The following CEP83 variants were observed in gnomAD, a reference collection of about 807,000 sequenced individuals.
The protein encoded by CEP83 is centrosomal protein 83.
Under a neutral mutation model 101.9 loss-of-function variants are expected in CEP83, and 70 were observed. The ratio of observed to expected loss-of-function variants is 0.69; its 90% confidence interval spans 0.57 to 0.84. CEP83 has a LOEUF of 0.84. Among genes scored for constraint, CEP83 ranks in the 40% least tolerant of loss-of-function variants. CEP83 has a pLI of 0.00. For synonymous variants in CEP83, 264 were observed against 267.9 expected, an observed-to-expected ratio of 0.99 and a Z score of 0.14; for missense variants, 715 against 787.2, an observed-to-expected ratio of 0.91 and a Z score of 1.10.
At chr12:94,429,733 T>A (rs1215333343) in intron 2 of CEP83, among the ~76,000 whole-genome samples, 1 of 152,088 alleles carries the variant, frequency 6.6e-6, no homozygotes, top group African/African-American at 2.4e-5. Context: ...AAGCAAAGCA[T>A]GAGCTTCCAC....
At chr12:94,459,445 C>A (rs1213577290) in intron 1 of CEP83, 112 bp downstream of exon 1, 5 of 152,216 alleles carry the variant, frequency 3.3e-5, no homozygotes, top group African/African-American at 4.8e-5. Context: ...CACGAGCTTC[C>A]ACTACTTTAA....
At chr12:94,393,470 G>A (rs1413739305) in intron 6 of CEP83, among the ~76,000 whole-genome samples, 15 of 152,244 alleles carry the variant, frequency 9.9e-5, no homozygotes, top group Admixed American at 5.2e-4. Flanking sequence ...TTGATGGAAC[G>A]TATCTCAAAA....
intron 2 of CEP83, among the ~76,000 whole-genome samples, chr12:94,418,687 G>T (rs915045889): frequency 1.4e-4 from 21 of 152,252 alleles, no homozygotes; most frequent in Middle Eastern, 3.4e-3. Flanking sequence ...CTGCTTAATG[G>T]TTACAAGGTT....
rs554045286 is a variant in CEP83 at position 94,315,694 on chromosome 12, AT to A, written c.1708-2678del. Among the ~76,000 whole-genome samples the A allele has an allele frequency of 5.3e-4, 77 of 144,582 alleles. 1 individual carries two copies. The highest frequency in any genetic ancestry group is 1.1e-3 in the South Asian group (5 of 4,596). The allele number at this position is 144,582 out of a possible 152,430, so 94.9% of individuals were successfully genotyped here. On this transcript the variant is annotated intron_variant, in intron 14 of 16. Coordinates refer to ENST00000397809, the MANE Select transcript of CEP83 (RefSeq NM_016122.3). The stretch of plus-strand genomic sequence containing the variant: ...TCCCAAGTTTTCATCTAGAAGCTTT[AT>A]TTTTTTTTTTTACCTATCACACTTA...
chr12:94,456,386 T>C (rs1354081206), intron 1 of CEP83, among the ~76,000 whole-genome samples: 1 of 152,214 alleles, frequency 6.6e-6, no homozygotes, highest in Admixed American at 6.5e-5. Context: ...CAACCTTACT[T>C]TCATGATACT....
the CEP83 span, among the ~76,000 whole-genome samples, chr12:94,269,549 A>G: frequency 6.6e-6 from 1 of 152,138 alleles, no homozygotes; most frequent in Non-Finnish European, 1.5e-5. Context: ...CTTCTGTTCC[A>G]TTTAGTTTGT....
At position 94,414,831 on chromosome 12, in the gene CEP83, T is replaced by C. The variant is rs114882199; in HGVS notation, c.-101-2240A>G. On this transcript the variant is annotated intron_variant, in intron 2 of 16. Transcript: ENST00000397809. ...GGAAAAAATACATTTTTAAAGATTA[T>C]AAAATGTGTCTTTATAAAATGTTGA... 2.1e-3 allele frequency among the ~76,000 whole-genome samples: 314 copies of C among 152,290 alleles called. 1 individual carries two copies. Among genetic ancestry groups the C allele is most frequent in the African/African-American group, 7.3e-3 (304 of 41,586 alleles).
intron 7 of CEP83, among the ~76,000 whole-genome samples, chr12:94,378,236 AC>A (rs1306740458): frequency 6.6e-6 from 1 of 152,182 alleles, no homozygotes; most frequent in African/African-American, 2.4e-5. Context: ...ATAAGGCAAT[AC>A]CCGTAGGAGT....
intron 6 of CEP83, among the ~76,000 whole-genome samples, chr12:94,380,063 C>A (rs1373289860): frequency 1.5e-5 from 2 of 129,276 alleles, no homozygotes; most frequent in African/African-American, 6.0e-5. Context: ...GTAAGCTCCC[C>A]GGCCCTGCAA....
chr12:94,331,357 CTTTTTTTTTTTT>C lies in CEP83; in HGVS notation c.1707+331_1707+342del, dbSNP rs1161292599. Among the ~76,000 whole-genome samples, 69 of 66,802 alleles carry C rather than the reference CTTTTTTTTTTTT, an allele frequency of 1.0e-3. 1 individual carries two copies. Among genetic ancestry groups the C allele is most frequent in the African/African-American group, 3.5e-3 (62 of 17,506 alleles). The allele number at this position is 66,802 out of a possible 152,430, so 43.8% of individuals were successfully genotyped here. On this transcript the variant is annotated intron_variant, in intron 14 of 16. Transcript: ENST00000397809. The stretch of plus-strand genomic sequence containing the variant: ...TACTCCATAGAAATCACCTTTTTTC[CTTTTTTTTTTTT>C]TTTTTTTTTTTTTTTGCGACAGAGT...
At chr12:94,327,606 T>C (rs1340298445) in intron 14 of CEP83, among the ~76,000 whole-genome samples, 1 of 152,240 alleles carries the variant, frequency 6.6e-6, no homozygotes, top group African/African-American at 2.4e-5. Flanking sequence ...TTTATCTTTC[T>C]ACTCAACTGA....
At chr12:94,343,081 A>G (rs2059757872) in intron 11 of CEP83, among the ~76,000 whole-genome samples, 1 of 151,786 alleles carries the variant, frequency 6.6e-6, no homozygotes, top group African/African-American at 2.4e-5. Context: ...ATATGTGTGT[A>G]TGTATGTCTG....
chr12:94,270,922 G>T, the CEP83 span, among the ~76,000 whole-genome samples: 4 of 152,108 alleles, frequency 2.6e-5, no homozygotes, highest in African/African-American at 9.7e-5. Context: ...AGGCTGGATG[G>T]GCAAGCGCAG....
chr12:94,284,962 G>C, the CEP83 span, among the ~76,000 whole-genome samples: 1 of 152,224 alleles, frequency 6.6e-6, no homozygotes, highest in African/African-American at 2.4e-5. Context: ...AGAAGCTGTG[G>C]ATTTCTGGTG....
intron 1 of CEP83, among the ~76,000 whole-genome samples, chr12:94,438,252 A>G (rs1004908253): frequency 3.3e-5 from 5 of 151,972 alleles, no homozygotes. Flanking sequence ...GATGCAGAAC[A>G]GCAGAATGGA....
chr12:94,349,717 G>C (rs982154528), intron 11 of CEP83, among the ~76,000 whole-genome samples: 8 of 152,200 alleles, frequency 5.3e-5, no homozygotes, highest in African/African-American at 1.9e-4. Flanking sequence ...AATAAACCAA[G>C]TACTCCCACT....
chr12:94,293,746 G>A, the CEP83 span, among the ~76,000 whole-genome samples: 2 of 152,144 alleles, frequency 1.3e-5, no homozygotes, highest in Non-Finnish European at 1.5e-5. Flanking sequence ...AGCCTCCCAG[G>A]TAGCTGGGAC....
At chr12:94,320,171 T>A (rs936296173) in intron 14 of CEP83, among the ~76,000 whole-genome samples, 3 of 152,222 alleles carry the variant, frequency 2.0e-5, no homozygotes, top group African/African-American at 4.8e-5. Context: ...AACCCTGGCA[T>A]TTTTCTGATT....
intron 11 of CEP83, among the ~76,000 whole-genome samples, chr12:94,357,836 A>G (rs2060554441): frequency 6.6e-6 from 1 of 152,242 alleles, no homozygotes; most frequent in African/African-American, 2.4e-5. Context: ...GTTCCCTGGA[A>G]AGCAGAGCCA....
Sources: allele counts gnomAD v4.1 joint callset (sites outside exome capture counted in the v4.1 genomes callset), GRCh38; gene constraint gnomAD v4.1.1; transcripts MANE v1.5; gene names NCBI Gene and HGNC (gene_info 2026-07-23, HGNC 2026-07-21).